Variants in RBFOX1 observed in about 807,000 individuals in gnomAD.
RBFOX1 encodes the protein RNA binding fox-1 homolog 1, also known as RNA binding protein fox-1 homolog 1.
In RBFOX1, 8 loss-of-function variants were observed where a neutral mutation model predicts 57.7. The observed-to-expected ratio is 0.14, with a 90% CI of 0.08 to 0.25. The LOEUF (loss-of-function observed/expected upper bound fraction) is 0.25, where lower values mean the gene tolerates loss of function less well. RBFOX1 is among the 10% of genes least tolerant of loss of function. RBFOX1 has a pLI of 1.00. For missense variants in RBFOX1, 611 were observed against 548.5 expected (o/e 1.11, Z -1.14); for synonymous variants, 326 against 222.4 (o/e 1.47, Z -4.15).
In RBFOX1 at chr16:5,912,692, C is replaced by T. The variant is rs1475811029; in HGVS notation, c.351+45357C>T. On this transcript the variant is annotated intron_variant, in intron 4 of 19. Transcript: ENST00000641259. ...TTTTAAATCAGTGCAGTAATTTAAG[C>T]ATGACTCTTGGAGGCTTACAAAAAA... Among the ~76,000 whole-genome samples, 7 of 152,298 alleles carry T rather than the reference C, an allele frequency of 4.6e-5. No individual in the cohort carries two copies. In the East Asian group the frequency reaches 1.4e-3, roughly 29 times the overall value.
intron 11 of RBFOX1, among the ~76,000 whole-genome samples, chr16:7,635,445 A>G (rs1184795354): frequency 1.3e-5 from 2 of 152,200 alleles, no homozygotes; most frequent in Non-Finnish European, 2.9e-5. Context: ...CACCATTGTA[A>G]TAATGTGGGA....
intron 3 of RBFOX1, among the ~76,000 whole-genome samples, chr16:6,708,389 A>C (rs1278430376): frequency 6.6e-6 from 1 of 152,040 alleles, no homozygotes; most frequent in African/African-American, 2.4e-5. Context: ...TTTTTTCCTA[A>C]ATCAGACAGG....
chr16:6,428,349 A>G (rs1330395354), intron 2 of RBFOX1, among the ~76,000 whole-genome samples: 1 of 151,644 alleles, frequency 6.6e-6, no homozygotes, highest in Non-Finnish European at 1.5e-5. Context: ...ATTGACTATT[A>G]CCATTTTCAT....
intron 1 of RBFOX1, among the ~76,000 whole-genome samples, chr16:6,119,333 G>A (rs1475762976): frequency 6.6e-6 from 1 of 152,150 alleles, no homozygotes; most frequent in African/African-American, 2.4e-5. Context: ...TGGAAGGGAT[G>A]CCACAAAAGT....
At chr16:7,342,953 A>C (rs2096926313) in intron 4 of RBFOX1, among the ~76,000 whole-genome samples, 1 of 152,124 alleles carries the variant, frequency 6.6e-6, no homozygotes, top group Non-Finnish European at 1.5e-5. Flanking sequence ...AGTTTCAATA[A>C]TGTTGAATCC....
chr16:7,089,080 C>A (rs946943278), intron 4 of RBFOX1, among the ~76,000 whole-genome samples: 1 of 152,180 alleles, frequency 6.6e-6, no homozygotes, highest in Non-Finnish European at 1.5e-5. Context: ...CATTTACACC[C>A]TTGCCCCCTT....
chr16:6,219,465 G>T (rs760151853), intron 1 of RBFOX1, among the ~76,000 whole-genome samples: 1 of 152,188 alleles, frequency 6.6e-6, no homozygotes, highest in African/African-American at 2.4e-5. Context: ...TAGAAAATAT[G>T]TCTCGGTCAA....
intron 1 of RBFOX1, among the ~76,000 whole-genome samples, chr16:6,181,885 G>A (rs1319137679): frequency 2.0e-5 from 3 of 151,664 alleles, no homozygotes; most frequent in East Asian, 2.0e-4. Flanking sequence ...CCTTCCAGCC[G>A]TGGCAATATC....
intron 3 of RBFOX1, among the ~76,000 whole-genome samples, chr16:6,665,508 G>A (rs1002384105): frequency 1.3e-5 from 2 of 151,524 alleles, no homozygotes; most frequent in Non-Finnish European, 2.9e-5. Context: ...ACCTGTAATC[G>A]CAGCTACTTG....
intron 1 of RBFOX1, among the ~76,000 whole-genome samples, chr16:6,282,675 T>C (rs2076515566): frequency 6.6e-6 from 1 of 152,126 alleles, no homozygotes; most frequent in South Asian, 2.1e-4. Context: ...CTGAGAATGA[T>C]GGTTTCCAGC....
At chr16:6,499,846 C>A (rs117006362) in intron 2 of RBFOX1, among the ~76,000 whole-genome samples, 2 of 152,240 alleles carry the variant, frequency 1.3e-5, no homozygotes, top group South Asian at 4.1e-4. Flanking sequence ...TTGTTGCTAA[C>A]AGCTGAATGA....
At chr16:7,200,829 A>C (rs545716482) in intron 4 of RBFOX1, among the ~76,000 whole-genome samples, 1 of 152,192 alleles carries the variant, frequency 6.6e-6, no homozygotes, top group Admixed American at 6.5e-5. Context: ...AGGCCCTTTC[A>C]TGCTTTCTCC....
chr16:6,440,649 A>C (rs1232943476), intron 2 of RBFOX1, among the ~76,000 whole-genome samples: 1 of 151,998 alleles, frequency 6.6e-6, no homozygotes, highest in East Asian at 1.9e-4. Flanking sequence ...AAAAGTACAA[A>C]AATTAGCTGG....
intron 3 of RBFOX1, among the ~76,000 whole-genome samples, chr16:6,677,751 T>C (rs2057988185): frequency 6.6e-6 from 1 of 152,228 alleles, no homozygotes; most frequent in African/African-American, 2.4e-5. Flanking sequence ...GTGAGCGATT[T>C]ATCTTCTGAC....
At chr16:6,725,727 A>G (rs1010926934) in intron 3 of RBFOX1, among the ~76,000 whole-genome samples, 5 of 152,156 alleles carry the variant, frequency 3.3e-5, no homozygotes, top group African/African-American at 4.8e-5. Context: ...TTCAGGGTAG[A>G]TTTCCATCTG....
intron 5 of RBFOX1, among the ~76,000 whole-genome samples, chr16:7,527,647 T>TTAC (rs2079002805): frequency 6.6e-6 from 1 of 152,198 alleles, no homozygotes; most frequent in African/African-American, 2.4e-5. Context: ...CATAGGCACG[T>TTAC]TACATAACTT....
intron 3 of RBFOX1, among the ~76,000 whole-genome samples, chr16:6,746,303 G>C (rs549032387): frequency 6.6e-6 from 1 of 152,070 alleles, no homozygotes; most frequent in Non-Finnish European, 1.5e-5. Context: ...AACTTGAATG[G>C]CCAAAATATC....
At chr16:7,032,319 C>T (rs573799334) in intron 3 of RBFOX1, among the ~76,000 whole-genome samples, 1 of 151,998 alleles carries the variant, frequency 6.6e-6, no homozygotes, top group East Asian at 1.9e-4. Context: ...GTGGGAGGAG[C>T]CTGTAGTCCT....
At chr16:7,656,899 A>G (rs370294602) in intron 12 of RBFOX1, among the ~76,000 whole-genome samples, 1 of 152,310 alleles carries the variant, frequency 6.6e-6, no homozygotes, top group East Asian at 1.9e-4. Flanking sequence ...TGGGGTATAT[A>G]TAAGTCCAAA....
Sources: allele counts gnomAD v4.1 joint callset (sites outside exome capture counted in the v4.1 genomes callset), GRCh38; gene constraint gnomAD v4.1.1; transcripts MANE v1.5; gene names NCBI Gene and HGNC (gene_info 2026-07-23, HGNC 2026-07-21).